The following FAF1 variants were observed in gnomAD, a reference collection of about 807,000 sequenced individuals.
The protein encoded by FAF1 is FAS-associated factor 1.
Under a neutral mutation model 92.5 loss-of-function variants are expected in FAF1, and 25 were observed. That is an observed-to-expected ratio of 0.27 (90% CI 0.20 to 0.38). The LOEUF is 0.38. Ranked by LOEUF, FAF1 falls within the 10% of genes least tolerant of loss-of-function variation. The probability of loss-of-function intolerance (pLI) is 1.00; values close to 1 mark genes in which losing one functional copy is unlikely to be tolerated. For missense variants in FAF1, 636 were observed against 793.3 expected (o/e 0.80, Z 2.38); for synonymous variants, 234 against 273.2 (o/e 0.86, Z 1.42).
intron 1 of FAF1, among the ~76,000 whole-genome samples, chr1:50,907,471 G>C (rs973582673): frequency 5.3e-5 from 8 of 152,140 alleles, no homozygotes; most frequent in African/African-American, 1.9e-4. Flanking sequence ...GCTCCTCCTT[G>C]TACCTCTGGT....
chr1:50,768,211 A>G (rs1353120239), intron 4 of FAF1, among the ~76,000 whole-genome samples: 1 of 152,224 alleles, frequency 6.6e-6, no homozygotes, highest in Non-Finnish European at 1.5e-5. Context: ...AGGGCATTAC[A>G]TAATGCTAAA....
intron 13 of FAF1, among the ~76,000 whole-genome samples, chr1:50,562,413 A>G (rs973414523): frequency 6.6e-6 from 1 of 152,152 alleles, no homozygotes; most frequent in African/African-American, 2.4e-5. Flanking sequence ...CAATTATTTC[A>G]ACCACTGACC....
chr1:50,678,915 A>G (rs866149257), intron 7 of FAF1, among the ~76,000 whole-genome samples: 26 of 151,044 alleles, frequency 1.7e-4, no homozygotes, highest in African/African-American at 6.1e-4. Flanking sequence ...GTGAAACCCC[A>G]TCTCTACTAA....
chr1:50,932,894 G>C (rs568610056), intron 1 of FAF1, among the ~76,000 whole-genome samples: 2 of 152,152 alleles, frequency 1.3e-5, no homozygotes, highest in African/African-American at 4.8e-5. Context: ...CTGTGCACCC[G>C]GAGGCTCAAC....
chr1:50,750,828 G>A lies in FAF1; in HGVS notation c.368-6053C>T, dbSNP rs1659832910. On this transcript the variant is annotated intron_variant, in intron 4 of 18. Transcript: ENST00000396153. The stretch of plus-strand genomic sequence containing the variant: ...AGTAGAGACGGGGGTTAACCATGCA[G>A]GCCAGGCTGGTCTCAAACTCCTGAC... 2.0e-5 allele frequency among the ~76,000 whole-genome samples: 3 copies of A among 151,472 alleles called. No homozygotes were observed. In the South Asian group the frequency reaches 6.3e-4, roughly 32 times the overall value.
intron 4 of FAF1, among the ~76,000 whole-genome samples, chr1:50,747,906 G>T (rs562474634): frequency 6.6e-6 from 1 of 152,118 alleles, no homozygotes; most frequent in Non-Finnish European, 1.5e-5. Flanking sequence ...GCAATGTGAC[G>T]ATGTCTGCTC....
At chr1:50,931,096 T>C (rs1645043781) in intron 1 of FAF1, among the ~76,000 whole-genome samples, 1 of 152,240 alleles carries the variant, frequency 6.6e-6, no homozygotes, top group Non-Finnish European at 1.5e-5. Flanking sequence ...TAGATCAATA[T>C]TTAATTTTCA....
At chr1:50,850,328 C>A (rs906164204) in intron 2 of FAF1, among the ~76,000 whole-genome samples, 4 of 152,120 alleles carry the variant, frequency 2.6e-5, no homozygotes, top group Non-Finnish European at 1.5e-5. Context: ...AATGCTAGAA[C>A]TTTCAACATT....
intron 6 of FAF1, among the ~76,000 whole-genome samples, chr1:50,733,052 C>G (rs1425280680): frequency 6.6e-6 from 1 of 152,138 alleles, no homozygotes; most frequent in Admixed American, 6.5e-5. Context: ...TACCCCAACT[C>G]AGTTTCTCTA....
chr1:50,684,916 T>C (rs965289230), intron 7 of FAF1, among the ~76,000 whole-genome samples: 1 of 152,186 alleles, frequency 6.6e-6, no homozygotes, highest in Non-Finnish European at 1.5e-5. Flanking sequence ...GTATATAGGC[T>C]ATAAGATGGC....
At chr1:50,706,010 A>G (rs1382653093) in intron 6 of FAF1, 119 bp from the exon 7 acceptor site, 16 of 575,424 alleles carry the variant, frequency 2.8e-5, no homozygotes, top group Non-Finnish European at 4.1e-5. Flanking sequence ...TCTGGGCCCA[A>G]TGTTATCATA....
chr1:50,602,796 C>A (rs114653608), intron 8 of FAF1, among the ~76,000 whole-genome samples: 31 of 152,258 alleles, frequency 2.0e-4, no homozygotes, highest in African/African-American at 7.0e-4. Context: ...GCCACCTCAC[C>A]CAGCCTAAAG....
chr1:50,453,433 C>T (rs1250798425), intron 18 of FAF1, among the ~76,000 whole-genome samples: 3 of 152,150 alleles, frequency 2.0e-5, no homozygotes, highest in Non-Finnish European at 4.4e-5. Context: ...AAAGACTTGC[C>T]GGTGTGATTT....
At chr1:50,826,887 G>C (rs2124627376) in intron 2 of FAF1, among the ~76,000 whole-genome samples, 1 of 152,262 alleles carries the variant, frequency 6.6e-6, no homozygotes, top group East Asian at 1.9e-4. Flanking sequence ...CGTCTGGGAA[G>C]TGAGGAGCGC....
intron 1 of FAF1, among the ~76,000 whole-genome samples, chr1:50,900,875 T>C (rs1402271190): frequency 6.6e-6 from 1 of 152,198 alleles, no homozygotes; most frequent in East Asian, 1.9e-4. Flanking sequence ...TGTATAACTA[T>C]ATAGATTTCT....
At chr1:50,796,821 A>G (rs986297488) in intron 3 of FAF1, among the ~76,000 whole-genome samples, 1 of 151,924 alleles carries the variant, frequency 6.6e-6, no homozygotes, top group African/African-American at 2.4e-5. Context: ...CCTATATAAA[A>G]TTCCCTCTGG....
chr1:50,935,149 A>G (rs1645076146), intron 1 of FAF1, among the ~76,000 whole-genome samples: 1 of 152,240 alleles, frequency 6.6e-6, no homozygotes. Context: ...TGTTTTAAAT[A>G]GGAGAAATGG....
At chr1:50,854,901 G>A (rs1039861351) in intron 2 of FAF1, among the ~76,000 whole-genome samples, 11 of 151,014 alleles carry the variant, frequency 7.3e-5, no homozygotes, top group South Asian at 4.2e-4. Flanking sequence ...ATGTTCAAAA[G>A]GAAATGCTCG....
rs869236089 is a variant in FAF1, at chr1:50,438,022, C to CAAAAAAAAA, written c.*3409_*3417dup. ...TGAGCGACAGAGCGAGACTCTGTCT[C>CAAAAAAAAA]AAAAAAAAAAAAAAAAAAAAAAAAA... On this transcript the variant is annotated 3_prime_UTR_variant, in exon 19 of 19. Coordinates refer to ENST00000396153, the MANE Select transcript of FAF1 (RefSeq NM_007051.3). 3 of 42,186 alleles carry CAAAAAAAAA rather than the reference C, an allele frequency of 7.1e-5. No individual in the cohort carries two copies. The highest frequency in any genetic ancestry group is 2.8e-4 in the African/African-American group (3 of 10,734). 2.6% of individuals were successfully genotyped at this position (42,186 alleles called of 1,614,324 possible).
Sources: allele counts gnomAD v4.1 joint callset (sites outside exome capture counted in the v4.1 genomes callset), GRCh38; gene constraint gnomAD v4.1.1; transcripts MANE v1.5; gene names NCBI Gene and HGNC (gene_info 2026-07-23, HGNC 2026-07-21).